Variants in HCN1 observed in about 807,000 individuals in gnomAD.
The protein encoded by HCN1 is hyperpolarization activated cyclic nucleotide gated potassium channel 1.
HCN1 carries 13 observed loss-of-function variants against 78.9 expected under a neutral mutation model. The ratio of observed to expected loss-of-function variants is 0.16; its 90% CI spans 0.11 to 0.26. HCN1 has a LOEUF of 0.26. HCN1 is among the 10% of genes least tolerant of loss of function. HCN1 has a pLI of 1.00. For synonymous variants in HCN1, 552 were observed against 455.5 expected, an observed-to-expected ratio of 1.21 and a Z score of -2.70; for missense variants, 810 against 1,154.3, an observed-to-expected ratio of 0.70 and a Z score of 4.32.
At chr5:45,388,256 TC>T (rs2112032248) in intron 4 of HCN1, among the ~76,000 whole-genome samples, 1 of 152,284 alleles carries the variant, frequency 6.6e-6, no homozygotes, top group East Asian at 1.9e-4. Context: ...CTCTGCTTGT[TC>T]CCTATGGATA....
intron 6 of HCN1, among the ~76,000 whole-genome samples, chr5:45,275,920 CAA>C (rs1007811927): frequency 5.9e-5 from 9 of 152,080 alleles, no homozygotes; most frequent in African/African-American, 1.9e-4. Context: ...CTCAAGTCGT[CAA>C]AAGTTAATCA....
chr5:45,274,607 C>T (rs1745019030), intron 6 of HCN1, among the ~76,000 whole-genome samples: 1 of 152,220 alleles, frequency 6.6e-6, no homozygotes, highest in Admixed American at 6.6e-5. Context: ...TCTAATTTTT[C>T]CTTATGATTT....
At chr5:45,424,881 T>C (rs1740313949) in intron 3 of HCN1, among the ~76,000 whole-genome samples, 1 of 152,190 alleles carries the variant, frequency 6.6e-6, no homozygotes, top group African/African-American at 2.4e-5. Context: ...CATATACATA[T>C]ACACATGTAG....
chr5:45,427,429 T>G (rs909260867), intron 3 of HCN1, among the ~76,000 whole-genome samples: 10 of 152,156 alleles, frequency 6.6e-5, no homozygotes, highest in Non-Finnish European at 1.2e-4. Context: ...CATTAAGTCT[T>G]ATAACTGTTC....
At chr5:45,530,412 T>TA (rs1554031207) in intron 2 of HCN1, among the ~76,000 whole-genome samples, 5 of 148,678 alleles carry the variant, frequency 3.4e-5, no homozygotes, top group African/African-American at 1.2e-4. Context: ...GATTGTGTTT[T>TA]TATATATATA....
rs184887907 is a variant in HCN1, at chr5:45,402,457, G to A, written c.1012-5747C>T. 1.2e-3 allele frequency among the ~76,000 whole-genome samples: 187 copies of A among 152,234 alleles called. 1 individual carries two copies. The highest frequency in any genetic ancestry group is 4.4e-3 in the African/African-American group (182 of 41,568). ...CAGTGATGCTGTTAAAAATTCTGCA[G>A]TTCAGAGGAGACTCCCTCTCCTGCC... On this transcript the variant is annotated intron_variant, in intron 3 of 7. Transcript: ENST00000303230.
At chr5:45,292,817 C>G (rs986184876) in intron 6 of HCN1, among the ~76,000 whole-genome samples, 6 of 151,990 alleles carry the variant, frequency 3.9e-5, no homozygotes, top group African/African-American at 1.2e-4. Flanking sequence ...CATCATTCTT[C>G]TACCCATCTA....
chr5:45,667,268 T>G (rs905779259), intron 1 of HCN1, among the ~76,000 whole-genome samples: 2 of 151,984 alleles, frequency 1.3e-5, no homozygotes, highest in Non-Finnish European at 2.9e-5. Flanking sequence ...TTCTCTGGCC[T>G]ACAATCTCTC....
At chr5:45,544,333 A>G (rs1261185287) in intron 2 of HCN1, among the ~76,000 whole-genome samples, 1 of 152,126 alleles carries the variant, frequency 6.6e-6, no homozygotes, top group African/African-American at 2.4e-5. Flanking sequence ...TGTTAAATCA[A>G]TAGGTTAGTT....
chr5:45,549,374 C>T (rs1181588138), intron 2 of HCN1, among the ~76,000 whole-genome samples: 1 of 152,038 alleles, frequency 6.6e-6, no homozygotes, highest in East Asian at 1.9e-4. Flanking sequence ...TTTGACAAAC[C>T]TGACAAAAAC....
At chr5:45,435,477 C>G (rs1178130688) in intron 3 of HCN1, among the ~76,000 whole-genome samples, 1 of 151,980 alleles carries the variant, frequency 6.6e-6, no homozygotes, top group East Asian at 1.9e-4. Context: ...TAACTAGGTT[C>G]TAGACAATTA....
intron 2 of HCN1, among the ~76,000 whole-genome samples, chr5:45,464,312 T>C (rs76596493): frequency 0.018 from 2,763 of 152,190 alleles, 86 homozygotes; most frequent in African/African-American, 0.062. Flanking sequence ...TGCATTTTCA[T>C]GAACTATTAT....
chr5:45,595,756 A>G (rs1251238898), intron 2 of HCN1, among the ~76,000 whole-genome samples: 1 of 152,052 alleles, frequency 6.6e-6, no homozygotes, highest in Non-Finnish European at 1.5e-5. Context: ...AAAAAACCAA[A>G]CAACCAAATG....
chr5:45,654,789 G>A (rs1745736662), intron 1 of HCN1, among the ~76,000 whole-genome samples: 1 of 152,106 alleles, frequency 6.6e-6, no homozygotes. Context: ...AGAAAATAGT[G>A]ATTGAATTAT....
At chr5:45,423,402 C>T (rs1432678936) in intron 3 of HCN1, among the ~76,000 whole-genome samples, 1 of 152,078 alleles carries the variant, frequency 6.6e-6, no homozygotes, top group Non-Finnish European at 1.5e-5. Context: ...CTTTTCCTAC[C>T]TTTCTAACTT....
intron 2 of HCN1, among the ~76,000 whole-genome samples, chr5:45,484,941 C>G (rs554902782): frequency 1.3e-5 from 2 of 152,014 alleles, no homozygotes; most frequent in African/African-American, 4.8e-5. Context: ...CTCTGAAGGC[C>G]GGAACACCTG....
At chr5:45,580,157 A>C (rs1561208202) in intron 2 of HCN1, among the ~76,000 whole-genome samples, 1 of 152,074 alleles carries the variant, frequency 6.6e-6, no homozygotes, top group Non-Finnish European at 1.5e-5. Context: ...ATTACATGGC[A>C]AAAGGAAATT....
In HCN1 at chr5:45,258,515, A is replaced by G. The variant is rs888809220; in HGVS notation, c.*3406T>C. 1 of 152,072 alleles carries G rather than the reference A, an allele frequency of 6.6e-6. No homozygotes were observed. The highest frequency in any genetic ancestry group is 1.5e-5 in the Non-Finnish European group (1 of 67,970). 9.4% of individuals were successfully genotyped at this position (152,072 alleles called of 1,614,324 possible). On this transcript the variant is annotated 3_prime_UTR_variant, in exon 8 of 8. Transcript: ENST00000303230. ...AATAGAATATATTGCCATTGCTACT[A>G]TTTATCCTCCTTGTTTTCAGGAATG... is the stretch of plus-strand genomic sequence containing the variant.
chr5:45,262,336 G>A lies in HCN1; in HGVS notation c.2258C>T (p.Pro753Leu), dbSNP rs367708007. The change falls in exon 8 of 8, where the codon CCG becomes CTG. Residue 753 changes from proline to leucine, a missense_variant. Coordinates refer to ENST00000303230, the MANE Select transcript of HCN1 (RefSeq NM_021072.4). ...GGAGCTGCCAGGTGTCTGTGGCTGC[G>A]GGGACGGCTGCTGTGGCTGAGTCTG... Reference protein sequence around the residue: ...PPQTQPQQPSPQPQTPGSSTP... With the variant: ...PPQTQPQQPSLQPQTPGSSTP... The A allele has an allele frequency of 6.2e-6, 10 of 1,613,280 alleles. No individual in the cohort carries two copies. Among genetic ancestry groups the A allele is most frequent in the Middle Eastern group, 3.3e-4 (2 of 6,084 alleles).
Sources: allele counts gnomAD v4.1 joint callset (sites outside exome capture counted in the v4.1 genomes callset), GRCh38; gene constraint gnomAD v4.1.1; transcripts MANE v1.5; gene names NCBI Gene and HGNC (gene_info 2026-07-23, HGNC 2026-07-21).